Variants in HECTD2 observed in about 807,000 individuals in gnomAD.
HECTD2 encodes the protein probable E3 ubiquitin-protein ligase HECTD2.
A neutral mutation model predicts 103.2 loss-of-function variants in HECTD2; 35 were observed. The ratio of observed to expected loss-of-function variants is 0.34; its 90% CI spans 0.26 to 0.45. The LOEUF (loss-of-function observed/expected upper bound fraction) is 0.45, where lower values mean the gene tolerates loss of function less well. Ranked by LOEUF, HECTD2 falls within the 20% of genes least tolerant of loss-of-function variation. HECTD2 has a pLI of 1.00. For synonymous variants in HECTD2, 281 were observed against 329.9 expected, an observed-to-expected ratio of 0.85 and a Z score of 1.61; for missense variants, 596 against 937.4, an observed-to-expected ratio of 0.64 and a Z score of 4.76.
At chr10:91,493,159 C>T (rs1846540721) in intron 13 of HECTD2, among the ~76,000 whole-genome samples, 1 of 151,338 alleles carries the variant, frequency 6.6e-6, no homozygotes, top group Non-Finnish European at 1.5e-5. Flanking sequence ...TAGTTTCTAT[C>T]TTTTTACCCT....
At chr10:91,484,881 G>A (rs985356627) in intron 9 of HECTD2, among the ~76,000 whole-genome samples, 4 of 151,894 alleles carry the variant, frequency 2.6e-5, no homozygotes, top group African/African-American at 9.7e-5. Flanking sequence ...TGGCAATTAA[G>A]TGCATATGAG....
intron 2 of HECTD2, among the ~76,000 whole-genome samples, chr10:91,457,452 A>G (rs1845155553): frequency 6.6e-6 from 1 of 151,884 alleles, no homozygotes; most frequent in African/African-American, 2.4e-5. Flanking sequence ...CAATATGTAA[A>G]AAGAGTTATA....
chr10:91,482,178 T>C (rs534850767), intron 7 of HECTD2, among the ~76,000 whole-genome samples: 3 of 152,014 alleles, frequency 2.0e-5, no homozygotes, highest in African/African-American at 7.2e-5. Flanking sequence ...GATGAAGTTA[T>C]CAGCTGAGGT....
At position 91,484,562 on chromosome 10, in the gene HECTD2, T is replaced by G. The variant is rs748847125; in HGVS notation, c.877T>G (p.Leu293Val). The G allele has an allele frequency of 3.7e-6, 6 of 1,612,310 alleles. No individual in the cohort carries two copies. In the African/African-American group the frequency reaches 8.0e-5, roughly 22 times the overall value. ...LVERLLQFIS[L>V]RLFPAKPEEF... is the part of the protein sequence containing the mutation. ...AGAGAGATTGCTGCAATTTATTTCT[T>G]TACGCCTGTTTCCTGCAAAGCCTGA... The change falls in exon 9 of 21, where the codon TTA (leucine) becomes GTA (valine). Residue 293 changes from leucine (L) to valine (V), a missense_variant. Coordinates refer to ENST00000298068, the MANE Select transcript of HECTD2 (RefSeq NM_182765.6).
chr10:91,420,432 A>G (rs1449799342), intron 1 of HECTD2, among the ~76,000 whole-genome samples: 1 of 150,946 alleles, frequency 6.6e-6, no homozygotes, highest in Non-Finnish European at 1.5e-5. Flanking sequence ...AAGAATACAA[A>G]AAAAAAAAAA....
At chr10:91,450,623 C>G (rs1425237462) in intron 2 of HECTD2, among the ~76,000 whole-genome samples, 2 of 151,764 alleles carry the variant, frequency 1.3e-5, no homozygotes, top group Admixed American at 6.6e-5. Context: ...TGCAATCTAT[C>G]CATCTGACAA....
intron 2 of HECTD2, among the ~76,000 whole-genome samples, chr10:91,427,789 T>C (rs79615444): frequency 8.5e-5 from 13 of 152,094 alleles, no homozygotes; most frequent in Non-Finnish European, 1.3e-4. Flanking sequence ...TTTCTCCCAT[T>C]TTGTAGGTTG....
In HECTD2 at chr10:91,484,160, C is replaced by CA. The variant is rs1443929915; in HGVS notation, c.822-344dup. Reference sequence around the variant, plus strand: ...GAGACTAACATCTTTCACATGTCCCCAAATGACCATGAAAACACAAGTATT... The same window carrying CA: ...GAGACTAACATCTTTCACATGTCCCCAAAATGACCATGAAAACACAAGTATT... On this transcript the variant is annotated intron_variant, in intron 8 of 20. Transcript: ENST00000298068. 2.5e-5 allele frequency: 14 copies of CA among 553,446 alleles called. No homozygotes were observed. In the South Asian group the frequency reaches 3.3e-4, roughly 13 times the overall value. The allele number at this position is 553,446 out of a possible 1,614,324, so 34.3% of individuals were successfully genotyped here. A position where few individuals can be genotyped will look rare whatever the true frequency, so the allele number is the denominator to read the frequency against.
intron 2 of HECTD2, among the ~76,000 whole-genome samples, chr10:91,451,998 T>G (rs557214029): frequency 6.6e-6 from 1 of 152,102 alleles, no homozygotes; most frequent in East Asian, 1.9e-4. Flanking sequence ...AATACAACAA[T>G]CAAAGTAAAA....
intron 20 of HECTD2, among the ~76,000 whole-genome samples, chr10:91,505,127 A>G (rs1229012207): frequency 6.6e-6 from 1 of 152,112 alleles, no homozygotes; most frequent in Non-Finnish European, 1.5e-5. Flanking sequence ...AGGAAGCACT[A>G]AACATGGAAA....
In HECTD2 at chr10:91,410,431, G is replaced by T. The variant is rs1842866320; in HGVS notation, c.-8G>T. 1.6e-5 allele frequency: 22 copies of T among 1,395,650 alleles called. No homozygotes were observed. Among genetic ancestry groups the T allele is most frequent in the Non-Finnish European group, 2.0e-5 (22 of 1,077,090 alleles). 86.5% of individuals were successfully genotyped at this position (1,395,650 alleles called of 1,614,324 possible). ...CCGCCGCCTGGCGCTCCCGCCGCCC[G>T]GCCCGACATGAGTGAGGCGGTTCGG... On this transcript the variant is annotated 5_prime_UTR_variant, in exon 1 of 21. Coordinates refer to ENST00000298068, the MANE Select transcript of HECTD2 (RefSeq NM_182765.6).
intron 1 of HECTD2, among the ~76,000 whole-genome samples, chr10:91,416,838 G>A (rs1207937564): frequency 3.9e-5 from 6 of 151,992 alleles, no homozygotes; most frequent in South Asian, 4.2e-4. Context: ...CCTCACCTCC[G>A]AGTTATTATC....
intron 2 of HECTD2, among the ~76,000 whole-genome samples, chr10:91,450,525 G>A (rs1028511890): frequency 1.3e-5 from 2 of 152,112 alleles, no homozygotes; most frequent in African/African-American, 4.8e-5. Context: ...ATTGACACAT[G>A]GCATCTTATT....
intron 8 of HECTD2, chr10:91,483,966 T>A (rs1177247258): frequency 5.0e-6 from 1 of 201,072 alleles, no homozygotes; most frequent in African/African-American, 2.4e-5. Flanking sequence ...GACAGCATTT[T>A]AGCACTACAC....
At chr10:91,454,643 A>C (rs1296972321) in intron 2 of HECTD2, among the ~76,000 whole-genome samples, 1 of 151,952 alleles carries the variant, frequency 6.6e-6, no homozygotes, top group Non-Finnish European at 1.5e-5. Context: ...ATATGTATAC[A>C]TGTGCCATGT....
intron 2 of HECTD2, among the ~76,000 whole-genome samples, chr10:91,425,921 T>C (rs1841695284): frequency 6.6e-6 from 1 of 152,014 alleles, no homozygotes; most frequent in Admixed American, 6.6e-5. Flanking sequence ...GGAAAAAATG[T>C]ACATTATTTA....
intron 1 of HECTD2, among the ~76,000 whole-genome samples, chr10:91,423,575 T>G (rs1395030256): frequency 6.6e-6 from 1 of 152,156 alleles, no homozygotes; most frequent in African/African-American, 2.4e-5. Flanking sequence ...CAGGTTCCCA[T>G]GTAGTGTCCA....
At position 91,513,214 on chromosome 10, in the gene HECTD2, GA is replaced by G. The variant is rs1251377162; in HGVS notation, c.*833del. The G allele has an allele frequency of 1.3e-5, 2 of 152,566 alleles. No homozygotes were observed. The highest frequency in any genetic ancestry group is 1.9e-4 in the East Asian group (1 of 5,192). The allele number at this position is 152,566 out of a possible 1,614,324, so 9.5% of individuals were successfully genotyped here. A position where few individuals can be genotyped will look rare whatever the true frequency, so the allele number is the denominator to read the frequency against. Reference sequence around the variant, plus strand: ...TCTTAAGGCTCAAGATATTAGAAAAGAAATCAGACCTAAATAATCATTGATG... The same window carrying G: ...TCTTAAGGCTCAAGATATTAGAAAAGAATCAGACCTAAATAATCATTGATG... On this transcript the variant is annotated 3_prime_UTR_variant, in exon 21 of 21. Transcript: ENST00000298068.
In HECTD2 at chr10:91,425,345, C is replaced by G; in HGVS notation, c.203C>G (p.Pro68Arg). 6.4e-7 allele frequency: 1 copy of G among 1,557,228 alleles called. No homozygotes were observed. Residue 68 changes from proline to arginine, a missense_variant, in exon 2 of 21, where the codon CCG becomes CGG. Around this residue, in one of 4 missense-constraint regions of HECTD2, gnomAD observed 220 missense variants for 233.9 expected, o/e 0.94. Transcript: ENST00000298068. The stretch of plus-strand genomic sequence containing the variant: ...AGCAGTTTTATTTCAGCTGTTAGCC[C>G]GAAGAAAGAAGCTGCTGAAAACAGA... ...TFSSFISAVSPKKEAAENRSS... is the reference protein window; with the variant it reads ...TFSSFISAVSRKKEAAENRSS...
Sources: allele counts gnomAD v4.1 joint callset (sites outside exome capture counted in the v4.1 genomes callset), GRCh38; gene constraint gnomAD v4.1.1; regional missense constraint gnomAD v4.1.1; transcripts MANE v1.5; gene names NCBI Gene and HGNC (gene_info 2026-07-23, HGNC 2026-07-21).